The following NUP35 variants were observed in gnomAD, a reference collection of about 807,000 sequenced individuals.
NUP35 encodes the protein nucleoporin NUP35.
NUP35 carries 25 observed loss-of-function variants against 41.5 expected under a neutral mutation model. The observed-to-expected ratio is 0.60, with a 90% CI of 0.44 to 0.84. NUP35 has a LOEUF of 0.84. Ranked by LOEUF, NUP35 falls within the 40% of genes least tolerant of loss-of-function variation. The pLI, the probability that NUP35 is intolerant of heterozygous loss-of-function variation, is 0.00. For missense variants in NUP35, 396 were observed against 396.6 expected, an observed-to-expected ratio of 1.00 and a Z score of 0.01; for synonymous variants, 149 against 130.7, an observed-to-expected ratio of 1.14 and a Z score of -0.96.
At chr2:183,131,011 C>T (rs1684679512) in intron 3 of NUP35, 1 of 896,282 alleles carries the variant, frequency 1.1e-6, no homozygotes, top group Non-Finnish European at 1.6e-6. Context: ...CAACAGGGTC[C>T]TGATCAGTTG....
chr2:183,123,518 A>G (rs1264234465), upstream of NUP35, among the ~76,000 whole-genome samples: 1 of 152,204 alleles, frequency 6.6e-6, no homozygotes, highest in Non-Finnish European at 1.5e-5. Context: ...CAAAGACAAA[A>G]TTCTTCCTCC....
intron 4 of NUP35, among the ~76,000 whole-genome samples, chr2:183,148,608 C>G (rs940515851): frequency 1.3e-5 from 2 of 149,368 alleles, no homozygotes; most frequent in African/African-American, 4.8e-5. Context: ...TGAAAAATGT[C>G]TATTCATGTT....
intron 1 of NUP35, among the ~76,000 whole-genome samples, chr2:183,126,522 T>A (rs1684495042): frequency 6.6e-6 from 1 of 152,244 alleles, no homozygotes; most frequent in Admixed American, 6.5e-5. Context: ...GTGGATCTTC[T>A]TACGAAATAT....
intron 4 of NUP35, among the ~76,000 whole-genome samples, chr2:183,140,144 A>T (rs561872190): frequency 6.6e-6 from 1 of 152,222 alleles, no homozygotes; most frequent in African/African-American, 2.4e-5. Context: ...TGTTACAGTT[A>T]TGGAGGTCAG....
upstream of NUP35, among the ~76,000 whole-genome samples, chr2:183,122,307 A>C (rs1412006995): frequency 6.6e-6 from 1 of 150,966 alleles, no homozygotes; most frequent in Non-Finnish European, 1.5e-5. Flanking sequence ...GGAACTCCTG[A>C]CCTCGTGATC....
At chr2:183,128,854 A>G (rs1684595492) in intron 2 of NUP35, among the ~76,000 whole-genome samples, 1 of 152,230 alleles carries the variant, frequency 6.6e-6, no homozygotes, top group South Asian at 2.1e-4. Context: ...TGTAAGAAGT[A>G]TAAGCTATAA....
At chr2:183,118,059 C>T (rs571498348) in intron 1 of NUP35, among the ~76,000 whole-genome samples, 92 of 152,212 alleles carry the variant, frequency 6.0e-4, no homozygotes, top group African/African-American at 2.2e-3. Flanking sequence ...CCCAACTGGG[C>T]AGTTGTATTT....
intron 1 of NUP35, among the ~76,000 whole-genome samples, chr2:183,125,963 T>G (rs1447485897): frequency 1.3e-5 from 2 of 152,178 alleles, no homozygotes; most frequent in Non-Finnish European, 2.9e-5. Context: ...TTGGTGACAG[T>G]CCTGATTAAG....
chr2:183,133,307 T>G (rs911047022), intron 3 of NUP35, among the ~76,000 whole-genome samples: 12 of 145,124 alleles, frequency 8.3e-5, no homozygotes, highest in Non-Finnish European at 1.8e-4. Flanking sequence ...ACATGTCACC[T>G]TTTACAGAAG....
chr2:183,149,172 G>A (rs1340973377), intron 4 of NUP35, among the ~76,000 whole-genome samples: 3 of 152,124 alleles, frequency 2.0e-5, no homozygotes, highest in Non-Finnish European at 4.4e-5. Context: ...TGACTCATGC[G>A]CATTGACCTG....
intron 2 of NUP35, among the ~76,000 whole-genome samples, chr2:183,129,866 G>T (rs1458416120): frequency 6.6e-6 from 1 of 152,160 alleles, no homozygotes; most frequent in Non-Finnish European, 1.5e-5. Context: ...GATCGATAAA[G>T]ACATCTTTAT....
chr2:183,128,782 TA>T (rs1684593844), intron 2 of NUP35, among the ~76,000 whole-genome samples: 1 of 152,016 alleles, frequency 6.6e-6, no homozygotes, highest in African/African-American at 2.4e-5. Flanking sequence ...ATACATTAAT[TA>T]AAAAAAATTA....
Position 183,131,847 on chromosome 2 carries a change from A to G in NUP35, c.339+1302A>G, listed in dbSNP as rs116543547. Among the ~76,000 whole-genome samples the G allele has an allele frequency of 9.9e-3, 1,510 of 152,248 alleles. 31 individuals carry two copies. Among genetic ancestry groups the G allele is most frequent in the African/African-American group, 0.035 (1,445 of 41,512 alleles). Reference sequence around the variant, plus strand: ...TACTAGAAATGGTAAAATTACACGTATGGAATTTATTGTTCCTAATGGATA... The same window carrying G: ...TACTAGAAATGGTAAAATTACACGTGTGGAATTTATTGTTCCTAATGGATA... On this transcript the variant is annotated intron_variant, in intron 3 of 8. Coordinates refer to ENST00000295119, the MANE Select transcript of NUP35 (RefSeq NM_138285.5).
At chr2:183,147,003 C>T (rs1211751010) in intron 4 of NUP35, among the ~76,000 whole-genome samples, 1 of 152,082 alleles carries the variant, frequency 6.6e-6, no homozygotes, top group East Asian at 1.9e-4. Flanking sequence ...AACATTTTTT[C>T]ATGTTTGTTG....
chr2:183,118,761 GA>G (rs1422458656), intron 1 of NUP35: 4 of 152,210 alleles, frequency 2.6e-5, no homozygotes, highest in Non-Finnish European at 4.4e-5. Flanking sequence ...AAAAACTTGA[GA>G]GGAGGAATGA....
At chr2:183,126,068 GC>G (rs1684464789) in intron 1 of NUP35, among the ~76,000 whole-genome samples, 1 of 151,488 alleles carries the variant, frequency 6.6e-6, no homozygotes, top group Admixed American at 6.6e-5. Context: ...TTTTGACACA[GC>G]CGTGTCACCT....
chr2:183,159,205 C>T lies in NUP35; in HGVS notation c.739-283C>T, dbSNP rs1309134710. Among the ~76,000 whole-genome samples the T allele has an allele frequency of 2.0e-5, 3 of 151,900 alleles. No homozygotes were observed. In the East Asian group the frequency reaches 5.8e-4, roughly 29 times the overall value. On this transcript the variant is annotated intron_variant, in intron 7 of 8. Coordinates refer to ENST00000295119, the MANE Select transcript of NUP35 (RefSeq NM_138285.5). ...AGGTTTCCCTAAGAATTTTTTTGTCCTTGCTGATTTTTCATAGTGTTTTAG... is the reference window on the plus strand; with the variant it reads ...AGGTTTCCCTAAGAATTTTTTTGTCTTTGCTGATTTTTCATAGTGTTTTAG...
At chr2:183,140,681 A>G (rs751726261) in intron 4 of NUP35, among the ~76,000 whole-genome samples, 6 of 151,994 alleles carry the variant, frequency 3.9e-5, no homozygotes, top group African/African-American at 1.2e-4. Flanking sequence ...AAATTAGCCA[A>G]GCATGGTGGT....
chr2:183,124,847 G>T (rs1336366398), intron 1 of NUP35, among the ~76,000 whole-genome samples: 1 of 152,188 alleles, frequency 6.6e-6, no homozygotes, highest in Non-Finnish European at 1.5e-5. Flanking sequence ...TTCCCAGCTG[G>T]TTGCTGGTCC....
Sources: gnomAD v4.1 joint callset for allele counts (sites outside exome capture counted in the v4.1 genomes callset) on GRCh38, gnomAD v4.1.1 for gene constraint, MANE v1.5 for transcripts, NCBI Gene and HGNC (gene_info 2026-07-23, HGNC 2026-07-21) for gene names.